NGEF: variants seen among roughly 807,000 people sequenced by gnomAD.
NGEF encodes neuronal guanine nucleotide exchange factor.
NGEF carries 31 observed loss-of-function variants against 80.9 expected under a neutral mutation model. That is an observed-to-expected ratio of 0.38 (90% CI 0.29 to 0.52). NGEF has a LOEUF of 0.52. Ranked by LOEUF, NGEF falls within the 20% of genes least tolerant of loss-of-function variation. NGEF has a pLI of 0.84. For missense variants in NGEF, 709 were observed against 926.2 expected, an observed-to-expected ratio of 0.77 and a Z score of 3.04; for synonymous variants, 371 against 370.2, an observed-to-expected ratio of 1.00 and a Z score of -0.03.
rs1691575877 is a variant in NGEF at position 232,883,334 on chromosome 2, G to A, written c.1734C>T (p.Thr578=). 6.2e-7 allele frequency: 1 copy of A among 1,610,036 alleles called. No homozygotes were observed. Among genetic ancestry groups the A allele is most frequent in the African/African-American group, 1.3e-5 (1 of 74,860 alleles). ...LLENADDREA[T]YMLKASSQSE... The stretch of plus-strand genomic sequence containing the variant: ...ACTGAGAGGACGCCTTTAGCATGTA[G>A]GTGGCCTCCCGGTCATCTGCGTTCT... Residue 578 remains threonine (T), a synonymous_variant, in exon 12 of 15, where the codon ACC becomes ACT. Transcript: ENST00000264051.
At chr2:232,888,263 T>C (rs1036119122) in intron 8 of NGEF, among the ~76,000 whole-genome samples, 156 bp from the exon 9 acceptor site, 3 of 149,580 alleles carry the variant, frequency 2.0e-5, no homozygotes, top group Non-Finnish European at 4.5e-5. Context: ...CATACATGCA[T>C]GCACACATGC....
intron 2 of NGEF, 84 bp from the exon 3 acceptor site, chr2:232,970,412 A>C: frequency 1.1e-6 from 1 of 877,294 alleles, no homozygotes; most frequent in South Asian, 1.6e-5. Context: ...GGACAGTAGC[A>C]GCAGTCATGC....
At chr2:233,001,785 C>A (rs917610833) in intron 1 of NGEF, among the ~76,000 whole-genome samples, 2 of 152,022 alleles carry the variant, frequency 1.3e-5, no homozygotes, top group African/African-American at 2.4e-5. Flanking sequence ...GAGGCCGAGG[C>A]GGGTGGATCA....
intron 1 of NGEF, among the ~76,000 whole-genome samples, chr2:232,986,554 A>G (rs979523430): frequency 2.0e-5 from 3 of 152,266 alleles, no homozygotes; most frequent in African/African-American, 4.8e-5. Flanking sequence ...CATTTGCAAC[A>G]GCATGGATGA....
Position 232,892,934 on chromosome 2 carries a change from T to C in NGEF, c.1106A>G (p.Asn369Ser), listed in dbSNP as rs749779181. ...HFSVYITYVS[N>S]QTYQERTYKQ... ...ATAGGTCCGCTCCTGGTAGGTCTGA[T>C]TGCTGACGTAGGTGATGTAGACAGA... The change falls in exon 7 of 15, where the codon AAT becomes AGT. Residue 369 changes from asparagine (N) to serine (S), a missense_variant. This residue lies in a region of NGEF where 426 missense variants were observed against 622.9 expected (regional missense o/e 0.68). Transcript: ENST00000264051. This position sits in a 1 kb window ranked among gnomAD's most constrained non-coding sequence, Gnocchi z 4.0. The C allele has an allele frequency of 6.2e-7, 1 of 1,613,632 alleles. No homozygotes were observed.
intron 3 of NGEF, among the ~76,000 whole-genome samples, chr2:232,944,371 T>C (rs1286473410): frequency 6.6e-6 from 1 of 152,186 alleles, no homozygotes; most frequent in East Asian, 1.9e-4. Context: ...AGGTTATTCA[T>C]TGTGGCATTA....
intron 3 of NGEF, among the ~76,000 whole-genome samples, chr2:232,946,991 A>C (rs1394247784): frequency 6.6e-6 from 1 of 152,234 alleles, no homozygotes. Context: ...GAGGAGTGCT[A>C]GAACATTCCC....
At chr2:232,968,318 C>T (rs1210179025) in intron 3 of NGEF, among the ~76,000 whole-genome samples, 1 of 151,902 alleles carries the variant, frequency 6.6e-6, no homozygotes, top group East Asian at 1.9e-4. Flanking sequence ...GAACTCCTAA[C>T]CTCAGGTGAT....
intron 3 of NGEF, among the ~76,000 whole-genome samples, chr2:232,961,936 G>T (rs1347222347): frequency 1.3e-5 from 2 of 152,198 alleles, no homozygotes; most frequent in East Asian, 3.9e-4. Context: ...ACAGGGAGGA[G>T]GGGGCCTCAT....
In NGEF at chr2:232,883,331, G is replaced by A. The variant is rs754839827; in HGVS notation, c.1737C>T (p.Tyr579=). Residue 579 remains tyrosine, a synonymous_variant, in exon 12 of 15, where the codon TAC becomes TAT. Transcript: ENST00000264051. The stretch of plus-strand genomic sequence containing the variant: ...CTCACTGAGAGGACGCCTTTAGCAT[G>A]TAGGTGGCCTCCCGGTCATCTGCGT... The part of the protein sequence containing the change: ...LENADDREAT[Y]MLKASSQSEM... 9.3e-6 allele frequency: 15 copies of A among 1,609,506 alleles called. No individual in the cohort carries two copies. Among genetic ancestry groups the A allele is most frequent in the Non-Finnish European group, 1.3e-5 (15 of 1,177,300 alleles).
In NGEF at chr2:232,995,520, T is replaced by C. The variant is rs367978474; in HGVS notation, c.-75+17548A>G. On this transcript the variant is annotated intron_variant, in intron 1 of 14. Transcript: ENST00000264051. ...TGACAGTATACATACTGTATATATA[T>C]ACAGTATGTATACATATACAGTATG... Among the ~76,000 whole-genome samples the C allele has an allele frequency of 4.2e-4, 5 of 11,974 alleles. 1 individual carries two copies. Among genetic ancestry groups the C allele is most frequent in the African/African-American group, 1.6e-3 (4 of 2,502 alleles). The allele number at this position is 11,974 out of a possible 152,430, so 7.9% of individuals were successfully genotyped here. A position where few individuals can be genotyped will look rare whatever the true frequency, so the allele number is the denominator to read the frequency against.
chr2:232,909,468 T>C (rs989058209), intron 5 of NGEF, among the ~76,000 whole-genome samples: 6 of 152,162 alleles, frequency 3.9e-5, no homozygotes, highest in African/African-American at 1.2e-4. Flanking sequence ...GTGAGACAGA[T>C]CTGCGTTTTA....
intron 6 of NGEF, among the ~76,000 whole-genome samples, chr2:232,893,481 T>G (rs111966685): frequency 1.3e-5 from 2 of 152,102 alleles, no homozygotes; most frequent in African/African-American, 4.8e-5. Flanking sequence ...AAGACAGAAG[T>G]GCCGTGGCAG....
At chr2:232,944,188 C>T (rs373438901) in intron 3 of NGEF, among the ~76,000 whole-genome samples, 6 of 151,786 alleles carry the variant, frequency 4.0e-5, no homozygotes, top group South Asian at 2.1e-4. Flanking sequence ...GAACTGAGAT[C>T]GCACCACTGC....
At chr2:232,920,654 T>A in intron 4 of NGEF, 69 bp from the exon 5 acceptor site, 1 of 1,445,500 alleles carries the variant, frequency 6.9e-7, no homozygotes, top group Non-Finnish European at 9.3e-7. Context: ...AATCCCTAAG[T>A]CAAGGCTTCG....
chr2:233,011,928 G>T (rs1695215928), intron 1 of NGEF, among the ~76,000 whole-genome samples: 1 of 152,180 alleles, frequency 6.6e-6, no homozygotes, highest in South Asian at 2.1e-4. Flanking sequence ...TGTGGGAGGA[G>T]AGTGCGGTGG....
chr2:233,004,571 C>G (rs753642739), intron 1 of NGEF, among the ~76,000 whole-genome samples: 2 of 152,242 alleles, frequency 1.3e-5, no homozygotes, highest in Non-Finnish European at 2.9e-5. Flanking sequence ...GAGGTAACTG[C>G]TGGGAACCCC....
At chr2:232,932,222 T>C (rs1470108402) in intron 3 of NGEF, among the ~76,000 whole-genome samples, 8 of 146,224 alleles carry the variant, frequency 5.5e-5, no homozygotes, top group Non-Finnish European at 3.0e-5. Context: ...TGGAGTGCAG[T>C]GGCACGATTT....
intron 9 of NGEF, 80 bp from the exon 10 acceptor site, chr2:232,885,449 C>T (rs1380464977): frequency 1.7e-6 from 2 of 1,205,414 alleles, no homozygotes; most frequent in Non-Finnish European, 2.4e-6. Context: ...AGGCCACAGA[C>T]AGGGCTGAGT....
Sources: gnomAD v4.1 joint callset for allele counts (sites outside exome capture counted in the v4.1 genomes callset) on GRCh38, gnomAD v4.1.1 for gene constraint, gnomAD v4.1.1 regional missense constraint, Gnocchi (gnomAD v3.1) non-coding constraint, MANE v1.5 for transcripts, NCBI Gene and HGNC (gene_info 2026-07-23, HGNC 2026-07-21) for gene names.